The following ZSCAN25 variants were observed in gnomAD, a reference collection of about 807,000 sequenced individuals.
The protein encoded by ZSCAN25 is zinc finger and SCAN domain-containing protein 25.
In ZSCAN25, 27 loss-of-function variants were observed where a neutral mutation model predicts 38.7. The observed-to-expected ratio is 0.70, with a 90% confidence interval of 0.51 to 0.96. The LOEUF (loss-of-function observed/expected upper bound fraction) is 0.96, where lower values mean the gene tolerates loss of function less well. Ranked by LOEUF, ZSCAN25 falls within the 40% of genes least tolerant of loss-of-function variation. ZSCAN25 has a pLI of 0.00. For missense variants in ZSCAN25, 637 were observed against 705.9 expected, an observed-to-expected ratio of 0.90 and a Z score of 1.11; for synonymous variants, 273 against 277.7, an observed-to-expected ratio of 0.98 and a Z score of 0.17.
chr7:99,638,150 A>G, the ZSCAN25 span: 1 of 1,211,194 alleles, frequency 8.3e-7, no homozygotes, highest in African/African-American at 1.5e-5. Context: ...TTCAAAAGAA[A>G]AGTGGCAATT....
In ZSCAN25 at chr7:99,632,067, T is replaced by C. The variant is rs139616353; in HGVS notation, c.*2047T>C. 2.1e-3 allele frequency: 2,039 copies of C among 985,402 alleles called. 1 individual carries two copies. The highest frequency in any genetic ancestry group is 4.2e-3 in the Middle Eastern group (8 of 1,914). The allele number at this position is 985,402 out of a possible 1,614,324, so 61.0% of individuals were successfully genotyped here. Reference sequence around the variant, plus strand: ...CATTACCTGAATCACAGATGCTCTTTTGTCATACACAGCCAGCATTCCTCT... The same window carrying C: ...CATTACCTGAATCACAGATGCTCTTCTGTCATACACAGCCAGCATTCCTCT... On this transcript the variant is annotated 3_prime_UTR_variant, in exon 8 of 8. Coordinates refer to ENST00000394152, the MANE Select transcript of ZSCAN25 (RefSeq NM_145115.3).
chr7:99,671,775 C>A, the ZSCAN25 span: 1 of 701,958 alleles, frequency 1.4e-6, no homozygotes, highest in East Asian at 2.7e-5. Context: ...TAGAACCTGT[C>A]AGAGAAAAAG....
chr7:99,695,926 G>A, the ZSCAN25 span: 1 of 1,118,828 alleles, frequency 8.9e-7, no homozygotes, highest in Non-Finnish European at 1.3e-6. Flanking sequence ...GAACTGGAAT[G>A]CTCAAGAGAA....
the ZSCAN25 span, among the ~76,000 whole-genome samples, chr7:99,686,971 C>CGTT: frequency 1.3e-5 from 2 of 152,150 alleles, no homozygotes; most frequent in Non-Finnish European, 2.9e-5. Context: ...AGGGTCCTGT[C>CGTT]AGAAGGAAAA....
the ZSCAN25 span, among the ~76,000 whole-genome samples, chr7:99,690,771 A>G: frequency 2.0e-5 from 3 of 152,108 alleles, no homozygotes; most frequent in Non-Finnish European, 4.4e-5. Context: ...TAGAATGGTG[A>G]TCATTAAAAA....
the ZSCAN25 span, among the ~76,000 whole-genome samples, chr7:99,649,180 A>G: frequency 4.5e-4 from 69 of 152,316 alleles, no homozygotes; most frequent in African/African-American, 1.5e-3. Context: ...CAGGTGTGCC[A>G]GAGGCCCACT....
At chr7:99,708,681 G>T in the ZSCAN25 span, among the ~76,000 whole-genome samples, 1 of 152,056 alleles carries the variant, frequency 6.6e-6, no homozygotes, top group African/African-American at 2.4e-5. Flanking sequence ...ATTCAAATTT[G>T]ATTCCTGAAG....
At chr7:99,709,314 A>G in the ZSCAN25 span, 1 of 1,582,744 alleles carries the variant, frequency 6.3e-7, no homozygotes, top group Admixed American at 1.8e-5. Flanking sequence ...ATTAACTTTT[A>G]ACTCAGTCCA....
At chr7:99,691,225 A>T in the ZSCAN25 span, among the ~76,000 whole-genome samples, 3 of 151,776 alleles carry the variant, frequency 2.0e-5, no homozygotes, top group Non-Finnish European at 4.4e-5. Flanking sequence ...TACTCACTCA[A>T]AGGTTGGAAT....
At chr7:99,688,345 C>A in the ZSCAN25 span, among the ~76,000 whole-genome samples, 415 of 151,576 alleles carry the variant, frequency 2.7e-3, 2 homozygotes, top group African/African-American at 7.5e-3. Context: ...AGCAAATGGA[C>A]AACAAAAAAA....
chr7:99,715,501 G>C, the ZSCAN25 span: 2 of 509,646 alleles, frequency 3.9e-6, no homozygotes, highest in South Asian at 4.2e-5. Flanking sequence ...CAAATCTATA[G>C]ATGCAGAAAG....
the ZSCAN25 span, chr7:99,722,205 A>C: frequency 1.3e-6 from 2 of 1,536,438 alleles, no homozygotes; most frequent in Non-Finnish European, 1.8e-6. Context: ...GCTTCATCGC[A>C]AGAGGCTCTG....
chr7:99,707,425 C>A, the ZSCAN25 span, among the ~76,000 whole-genome samples: 1 of 152,184 alleles, frequency 6.6e-6, no homozygotes, highest in African/African-American at 2.4e-5. Context: ...GAGCCACTGT[C>A]ATGAGAAAAC....
At chr7:99,668,984 G>A in the ZSCAN25 span, among the ~76,000 whole-genome samples, 2 of 152,150 alleles carry the variant, frequency 1.3e-5, no homozygotes, top group African/African-American at 4.8e-5. Flanking sequence ...AGACATGTAA[G>A]TATTCTTATT....
Position 99,630,213 on chromosome 7 carries a change from C to G in ZSCAN25, c.*193C>G. The G allele has an allele frequency of 7.3e-7, 1 of 1,363,926 alleles. No homozygotes were observed. Among genetic ancestry groups the G allele is most frequent in the Non-Finnish European group, 9.4e-7 (1 of 1,064,558 alleles). The allele number at this position is 1,363,926 out of a possible 1,614,324, so 84.5% of individuals were successfully genotyped here. On this transcript the variant is annotated 3_prime_UTR_variant, in exon 8 of 8. Coordinates refer to ENST00000394152, the MANE Select transcript of ZSCAN25 (RefSeq NM_145115.3). Reference sequence around the variant, plus strand: ...GCTTCCATCTCTTACCCAAGTGGTGCTAAACAATTTTTCTTCCAATGTTTG... The same window carrying G: ...GCTTCCATCTCTTACCCAAGTGGTGGTAAACAATTTTTCTTCCAATGTTTG...
At chr7:99,638,348 G>A in the ZSCAN25 span, 8 of 1,603,776 alleles carry the variant, frequency 5.0e-6, no homozygotes, top group Non-Finnish European at 6.8e-6. Flanking sequence ...TCCAGGTCAG[G>A]CCCAGTTTCT....
the ZSCAN25 span, among the ~76,000 whole-genome samples, chr7:99,681,233 C>G: frequency 6.6e-6 from 1 of 152,186 alleles, no homozygotes; most frequent in African/African-American, 2.4e-5. Context: ...GCTTCCAAAT[C>G]TTGGCATTTG....
the ZSCAN25 span, among the ~76,000 whole-genome samples, chr7:99,688,629 C>G: frequency 1.3e-5 from 2 of 151,734 alleles, no homozygotes; most frequent in Non-Finnish European, 3.0e-5. Context: ...CAAAAGTTAA[C>G]AAGGATACCC....
At chr7:99,688,283 C>T in the ZSCAN25 span, among the ~76,000 whole-genome samples, 1 of 152,152 alleles carries the variant, frequency 6.6e-6, no homozygotes, top group Non-Finnish European at 1.5e-5. Flanking sequence ...ACCCATCTCA[C>T]ATGCAGAGCC....
Sources: allele counts gnomAD v4.1 joint callset (sites outside exome capture counted in the v4.1 genomes callset), GRCh38; gene constraint gnomAD v4.1.1; transcripts MANE v1.5; gene names NCBI Gene and HGNC (gene_info 2026-07-23, HGNC 2026-07-21).